SLC35F1: variants seen among roughly 807,000 people sequenced by gnomAD.
The protein encoded by SLC35F1 is solute carrier family 35 member F1.
SLC35F1 carries 14 observed loss-of-function variants against 48.7 expected under a neutral mutation model. The ratio of observed to expected loss-of-function variants is 0.29; its 90% confidence interval spans 0.19 to 0.45. The LOEUF (loss-of-function observed/expected upper bound fraction) is 0.45. Among genes scored for constraint, SLC35F1 ranks in the 20% least tolerant of loss-of-function variants. The pLI is 1.00. For missense variants in SLC35F1, 404 were observed against 500.0 expected (o/e 0.81, Z 1.83); for synonymous variants, 190 against 202.2 (o/e 0.94, Z 0.51).
intron 1 of SLC35F1, among the ~76,000 whole-genome samples, chr6:117,967,275 A>G (rs1011109787): frequency 1.1e-4 from 17 of 152,182 alleles, no homozygotes; most frequent in African/African-American, 4.1e-4. Context: ...AAAATACAGG[A>G]AAAAAATGAA....
chr6:118,238,842 A>G lies in SLC35F1; in HGVS notation c.477+3206A>G, dbSNP rs546043798. Among the ~76,000 whole-genome samples the G allele has an allele frequency of 3.9e-5, 6 of 152,324 alleles. No homozygotes were observed. In the South Asian group the frequency reaches 1.2e-3, roughly 32 times the overall value. On this transcript the variant is annotated intron_variant, in intron 3 of 7. Transcript: ENST00000360388. ...ATCAATAGAAGAGGAGATTTCTCTC[A>G]CTGATTTAGCTGAACATTTCTCAAT... is the stretch of plus-strand genomic sequence containing the variant.
intron 1 of SLC35F1, among the ~76,000 whole-genome samples, chr6:118,082,417 C>T (rs1416123603): frequency 6.6e-6 from 1 of 152,106 alleles, no homozygotes; most frequent in Non-Finnish European, 1.5e-5. Context: ...AGTTATGGAA[C>T]AAACAGGCCT....
chr6:118,069,952 A>T (rs1427203403), intron 1 of SLC35F1, among the ~76,000 whole-genome samples: 1 of 150,988 alleles, frequency 6.6e-6, no homozygotes, highest in African/African-American at 2.4e-5. Flanking sequence ...CTGGCCAACA[A>T]GGTGAAACCC....
intron 1 of SLC35F1, among the ~76,000 whole-genome samples, chr6:117,966,191 C>G (rs1439048992): frequency 7.0e-6 from 1 of 142,618 alleles, no homozygotes; most frequent in Non-Finnish European, 1.5e-5. Flanking sequence ...GGGTCCCTGT[C>G]CATGCTGTGG....
At chr6:118,174,371 C>G (rs1377603343) in intron 2 of SLC35F1, among the ~76,000 whole-genome samples, 1 of 151,976 alleles carries the variant, frequency 6.6e-6, no homozygotes, top group Non-Finnish European at 1.5e-5. Context: ...GATCAGGCAC[C>G]TATTTTTAAG....
intron 1 of SLC35F1, among the ~76,000 whole-genome samples, chr6:118,054,787 C>CTT (rs66505707): frequency 2.7e-4 from 40 of 149,992 alleles, no homozygotes; most frequent in South Asian, 6.3e-4. Flanking sequence ...TCTTTTCTTT[C>CTT]TTTTTTTTTG....
chr6:118,132,729 T>C (rs1773733221), intron 1 of SLC35F1, among the ~76,000 whole-genome samples: 1 of 152,248 alleles, frequency 6.6e-6, no homozygotes, highest in Non-Finnish European at 1.5e-5. Context: ...TATTTTCCCA[T>C]AGGGAATGAT....
intron 1 of SLC35F1, among the ~76,000 whole-genome samples, chr6:117,966,080 C>G (rs1197657638): frequency 6.7e-6 from 1 of 149,076 alleles, no homozygotes; most frequent in Non-Finnish European, 1.5e-5. Context: ...TAAAATGGAC[C>G]AATTAGCAGG....
chr6:118,176,179 A>G (rs1012735656), intron 2 of SLC35F1, among the ~76,000 whole-genome samples: 1 of 152,020 alleles, frequency 6.6e-6, no homozygotes, highest in African/African-American at 2.4e-5. Flanking sequence ...CTTTTATTAG[A>G]TAGTCACTGA....
rs1047432259 is a variant in SLC35F1, at chr6:118,305,480, A to G, written c.1003-8548A>G. 5.9e-5 allele frequency among the ~76,000 whole-genome samples: 9 copies of G among 152,272 alleles called. 1 individual carries two copies. Among genetic ancestry groups the G allele is most frequent in the South Asian group, 4.1e-4 (2 of 4,822 alleles). On this transcript the variant is annotated intron_variant, in intron 7 of 7. Coordinates refer to ENST00000360388, the MANE Select transcript of SLC35F1 (RefSeq NM_001029858.4). ...TCCATCCCTTTTCAACTTGGCATCA[A>G]TTTCACATGTCTTTTAAATAATACT...
chr6:118,295,669 T>A (rs1776174867), intron 7 of SLC35F1, among the ~76,000 whole-genome samples: 1 of 152,170 alleles, frequency 6.6e-6, no homozygotes, highest in Non-Finnish European at 1.5e-5. Flanking sequence ...TTTTTTAAAA[T>A]GCCCTCATAA....
intron 1 of SLC35F1, among the ~76,000 whole-genome samples, chr6:118,112,578 T>C (rs903898660): frequency 6.6e-6 from 1 of 152,188 alleles, no homozygotes; most frequent in Middle Eastern, 3.2e-3. Flanking sequence ...AACCCTCTTT[T>C]GAGGTCTGCA....
chr6:118,031,036 C>T (rs1772039282), intron 1 of SLC35F1, among the ~76,000 whole-genome samples: 1 of 152,248 alleles, frequency 6.6e-6, no homozygotes, highest in Admixed American at 6.5e-5. Flanking sequence ...ACATACCCCT[C>T]TCCCCACACA....
chr6:118,083,118 G>A lies in SLC35F1; in HGVS notation c.174-71327G>A, dbSNP rs532385705. Among the ~76,000 whole-genome samples the A allele has an allele frequency of 2.6e-4, 39 of 152,322 alleles. No individual in the cohort carries two copies. In the South Asian group the frequency reaches 7.2e-3, roughly 28 times the overall value. On this transcript the variant is annotated intron_variant, in intron 1 of 7. Transcript: ENST00000360388. ...TAGTGTTGATTAAACTTTGTAATCT[G>A]TGGGGAGTCACACACTAGGCACTTC...
In SLC35F1 at chr6:118,194,387, A is replaced by G. The variant is rs186529930; in HGVS notation, c.349+39767A>G. The stretch of plus-strand genomic sequence containing the variant: ...ACCTGGACCACCATTGTAAAATGGC[A>G]GACATCAAAAGAAAGTACTGCCATG... On this transcript the variant is annotated intron_variant, in intron 2 of 7. Transcript: ENST00000360388. Among the ~76,000 whole-genome samples, 3 of 152,328 alleles carry G rather than the reference A, an allele frequency of 2.0e-5. No individual in the cohort carries two copies. In the East Asian group the frequency reaches 5.8e-4, roughly 29 times the overall value.
intron 1 of SLC35F1, among the ~76,000 whole-genome samples, chr6:118,142,304 A>G (rs77449730): frequency 0.024 from 3,658 of 152,260 alleles, 55 homozygotes; most frequent in Non-Finnish European, 0.04. Context: ...TGATGCTACT[A>G]CATATATAAG....
At chr6:118,143,929 T>C (rs1773931239) in intron 1 of SLC35F1, among the ~76,000 whole-genome samples, 1 of 152,150 alleles carries the variant, frequency 6.6e-6, no homozygotes, top group South Asian at 2.1e-4. Context: ...TTCATTTGAC[T>C]ATACCATGAT....
chr6:117,927,844 G>A (rs1776049132), intron 1 of SLC35F1, among the ~76,000 whole-genome samples: 1 of 152,164 alleles, frequency 6.6e-6, no homozygotes. Context: ...CTACAAAGCA[G>A]CCTTGTACTT....
At chr6:118,257,928 C>T (rs1175701960) in intron 3 of SLC35F1, among the ~76,000 whole-genome samples, 1 of 152,096 alleles carries the variant, frequency 6.6e-6, no homozygotes, top group South Asian at 2.1e-4. Context: ...ATTTCCTTGT[C>T]ATTTTCATCC....
Sources: allele counts gnomAD v4.1 joint callset (sites outside exome capture counted in the v4.1 genomes callset), GRCh38; gene constraint gnomAD v4.1.1; transcripts MANE v1.5; gene names NCBI Gene and HGNC (gene_info 2026-07-23, HGNC 2026-07-21).